STRIP2: variants seen among roughly 807,000 people sequenced by gnomAD.
The protein encoded by STRIP2 is striatin-interacting protein 2.
Under a neutral mutation model 107.1 loss-of-function variants are expected in STRIP2, and 84 were observed. That is an observed-to-expected ratio of 0.78 (90% CI 0.66 to 0.94). The LOEUF (loss-of-function observed/expected upper bound fraction) is 0.94. Ranked by LOEUF, STRIP2 falls within the 40% of genes least tolerant of loss-of-function variation. The pLI is 0.00. For synonymous variants in STRIP2, 394 were observed against 400.4 expected (o/e 0.98, Z 0.19); for missense variants, 888 against 1,034.2 (o/e 0.86, Z 1.94).
chr7:129,472,509 C>G (rs1428306358), intron 18 of STRIP2, among the ~76,000 whole-genome samples: 1 of 152,036 alleles, frequency 6.6e-6, no homozygotes, highest in Non-Finnish European at 1.5e-5. Context: ...TTGTGTGAAG[C>G]AATAGTGGCA....
intron 14 of STRIP2, among the ~76,000 whole-genome samples, chr7:129,463,724 A>G (rs1019712879): frequency 1.3e-5 from 2 of 152,030 alleles, no homozygotes; most frequent in Admixed American, 6.5e-5. Context: ...TGAACTTCCA[A>G]CCTCAAGTGA....
At chr7:129,445,073 C>T (rs1306283293) in intron 3 of STRIP2, among the ~76,000 whole-genome samples, 1 of 152,106 alleles carries the variant, frequency 6.6e-6, no homozygotes, top group African/African-American at 2.4e-5. Flanking sequence ...GGTTTTTTTC[C>T]TGGTGGAGTA....
chr7:129,446,900 G>A (rs978775291), intron 3 of STRIP2, among the ~76,000 whole-genome samples: 2 of 152,164 alleles, frequency 1.3e-5, no homozygotes, highest in Non-Finnish European at 2.9e-5. Context: ...AGTTGAGGTC[G>A]CATGGTGACT....
At chr7:129,479,393 T>A (rs712689) in intron 18 of STRIP2, among the ~76,000 whole-genome samples, 2 of 151,824 alleles carry the variant, frequency 1.3e-5, no homozygotes, top group Non-Finnish European at 2.9e-5. Flanking sequence ...CAGTAGAAAG[T>A]CCCATAGAAG....
chr7:129,434,438 G>C lies in STRIP2; in HGVS notation c.-35G>C. 1 of 1,465,460 alleles carries C rather than the reference G, an allele frequency of 6.8e-7. No individual in the cohort carries two copies. The highest frequency in any genetic ancestry group is 2.8e-5 in the East Asian group (1 of 35,510). 90.8% of individuals were successfully genotyped at this position (1,465,460 alleles called of 1,614,324 possible). On this transcript the variant is annotated 5_prime_UTR_variant, in exon 1 of 21. Coordinates refer to ENST00000249344, the MANE Select transcript of STRIP2 (RefSeq NM_020704.3). ...GCGGTAGGGTCGCCTCCGGCAAAGC[G>C]AGCTGAACCCTGAGGGGAGCCGCTG...
At chr7:129,454,578 G>A in intron 7 of STRIP2, 51 bp downstream of exon 7, 2 of 1,174,416 alleles carry the variant, frequency 1.7e-6, no homozygotes, top group African/African-American at 1.5e-5. Context: ...ATGGGAGAGG[G>A]GAAGCAGAGC....
At chr7:129,438,951 CA>C (rs1797825805) in intron 1 of STRIP2, among the ~76,000 whole-genome samples, 1 of 152,140 alleles carries the variant, frequency 6.6e-6, no homozygotes, top group Non-Finnish European at 1.5e-5. Context: ...ACTCTCCTAG[CA>C]CATCTGTTTG....
At position 129,464,068 on chromosome 7, in the gene STRIP2, G is replaced by A. The variant is rs199589575; in HGVS notation, c.1576G>A (p.Ala526Thr). ...YMIALLKILL[A>T]AAPTSKAKTD... Reference sequence around the variant, plus strand: ...GATCGCTCTGCTTAAGATTCTGCTGGCTGCAGCTCCCACCTCTAAGGCTAA... The same window carrying A: ...GATCGCTCTGCTTAAGATTCTGCTGACTGCAGCTCCCACCTCTAAGGCTAA... The change falls in exon 15 of 21, where the codon GCT becomes ACT. Residue 526 changes from alanine (A) to threonine (T), a missense_variant. Transcript: ENST00000249344. 4.3e-6 allele frequency: 7 copies of A among 1,613,516 alleles called. No individual in the cohort carries two copies. The highest frequency in any genetic ancestry group is 5.1e-6 in the Non-Finnish European group (6 of 1,179,978).
chr7:129,467,231 A>C (rs1226946551), intron 16 of STRIP2, 119 bp from the exon 17 acceptor site: 4 of 726,370 alleles, frequency 5.5e-6, no homozygotes, highest in Non-Finnish European at 9.3e-6. Flanking sequence ...TGATAACACA[A>C]GTGGATAGTA....
chr7:129,451,793 G>A lies in STRIP2; in HGVS notation c.409+46G>A, dbSNP rs766271171. The A allele has an allele frequency of 2.5e-6, 4 of 1,609,786 alleles. No individual in the cohort carries two copies. The East Asian group carries it at 8.9e-5, about 36-fold the overall frequency. ...GCTTTAGAGGGGTGGAGGCTTGAGA[G>A]GGAAGTGGGCATTATCAGGACTGAG... On this transcript the variant is annotated intron_variant, in intron 4 of 20. Transcript: ENST00000249344.
In STRIP2 at chr7:129,480,905, T is replaced by TA. The variant is rs1407609587; in HGVS notation, c.2049+17dup. ...CCGGACCATGGTGAGTGTGGTTTTT[T>TA]ACATCATGGAGTTGTCCATCTGACT... On this transcript the variant is annotated intron_variant, in intron 19 of 20. Coordinates refer to ENST00000249344, the MANE Select transcript of STRIP2 (RefSeq NM_020704.3). 1 of 1,593,526 alleles carries TA rather than the reference T, an allele frequency of 6.3e-7. No homozygotes were observed. The highest frequency in any genetic ancestry group is 8.6e-7 in the Non-Finnish European group (1 of 1,166,866).
chr7:129,485,376 C>T (rs1280425037), intron 20 of STRIP2, among the ~76,000 whole-genome samples: 3 of 145,644 alleles, frequency 2.1e-5, no homozygotes, highest in Admixed American at 1.5e-4. Flanking sequence ...CATATACAAG[C>T]TTATGCATGT....
chr7:129,446,485 G>C (rs1003605024), intron 3 of STRIP2, among the ~76,000 whole-genome samples: 1 of 152,178 alleles, frequency 6.6e-6, no homozygotes, highest in Non-Finnish European at 1.5e-5. Flanking sequence ...AAAGTACACA[G>C]CCAGGTGCAC....
chr7:129,485,793 G>A lies in STRIP2; in HGVS notation c.2469G>A (p.Gln823=). The change falls in exon 21 of 21, where the codon CAG becomes CAA. Residue 823 remains glutamine (Q), a synonymous_variant. Coordinates refer to ENST00000249344, the MANE Select transcript of STRIP2 (RefSeq NM_020704.3). The stretch of plus-strand genomic sequence containing the variant: ...GGCTCGAGAGAGAGGTGTTTTCACA[G>A]CCCATCTGTTGGGAGGAGCTGCTCC... ...ELWLEREVFS[Q]PICWEELLQN... 2 of 1,614,114 alleles carry A rather than the reference G, an allele frequency of 1.2e-6. No homozygotes were observed. Among genetic ancestry groups the A allele is most frequent in the African/African-American group, 1.3e-5 (1 of 75,044 alleles).
Position 129,460,308 on chromosome 7 carries a change from A to G in STRIP2, c.1412A>G (p.Tyr471Cys), listed in dbSNP as rs1044992841. 1.2e-6 allele frequency: 2 copies of G among 1,613,784 alleles called. No homozygotes were observed. Among genetic ancestry groups the G allele is most frequent in the Middle Eastern group, 1.6e-4 (1 of 6,076 alleles). The stretch of plus-strand genomic sequence containing the variant: ...TCTTCTTATCTTTGTCAGCACAAGT[A>G]TATCTCCATCGCAGATGTGCAGATC... ...ESVKTLKQHK[Y>C]ISIADVQIKN... is the part of the protein sequence containing the mutation. The change falls in exon 13 of 21, where the codon TAT becomes TGT. Residue 471 changes from tyrosine to cysteine, a missense_variant. By Grantham distance (194) the Tyr-to-Cys change is radical. Transcript: ENST00000249344.
At chr7:129,464,930 G>T (rs1438133145) in intron 16 of STRIP2, among the ~76,000 whole-genome samples, 192 bp downstream of exon 16, 3 of 152,102 alleles carry the variant, frequency 2.0e-5, no homozygotes, top group Non-Finnish European at 2.9e-5. Flanking sequence ...TCCTAGAAAG[G>T]TGCAGATGTC....
At chr7:129,476,171 G>A (rs537919810) in intron 18 of STRIP2, among the ~76,000 whole-genome samples, 19 of 151,098 alleles carry the variant, frequency 1.3e-4, no homozygotes, top group Non-Finnish European at 2.5e-4. Context: ...TCCCGGACGG[G>A]GCGGCTGGCC....
rs769879968 is a variant in STRIP2, at chr7:129,485,583, C to T, written c.2259C>T (p.Ile753=). Residue 753 remains isoleucine, a synonymous_variant, in exon 21 of 21, where the codon ATC becomes ATT. Transcript: ENST00000249344. The part of the protein sequence containing the change: ...MNDDWAYGND[I]DARPWDFQAE... Reference sequence around the variant, plus strand: ...CTTCCTCTCTTTCCAACACAGACATCGATGCCAGACCATGGGACTTCCAAG... The same window carrying T: ...CTTCCTCTCTTTCCAACACAGACATTGATGCCAGACCATGGGACTTCCAAG... 53 of 1,613,622 alleles carry T rather than the reference C, an allele frequency of 3.3e-5. No homozygotes were observed. The highest frequency in any genetic ancestry group is 4.2e-5 in the Non-Finnish European group (49 of 1,179,974).
intron 20 of STRIP2, among the ~76,000 whole-genome samples, chr7:129,484,160 C>T (rs184946619): frequency 6.6e-6 from 1 of 152,204 alleles, no homozygotes; most frequent in African/African-American, 2.4e-5. Flanking sequence ...GTGGTGTTAT[C>T]TACTTTATTC....
Sources: allele counts gnomAD v4.1 joint callset (sites outside exome capture counted in the v4.1 genomes callset), GRCh38; gene constraint gnomAD v4.1.1; transcripts MANE v1.5; gene names NCBI Gene and HGNC (gene_info 2026-07-23, HGNC 2026-07-21).